The following RDH14 variants were observed in gnomAD, a reference collection of about 807,000 sequenced individuals.
The protein encoded by RDH14 is retinol dehydrogenase 14.
A neutral mutation model predicts 19.3 loss-of-function variants in RDH14; 17 were observed. The observed-to-expected ratio is 0.88, with a 90% confidence interval of 0.60 to 1.32. RDH14 has a LOEUF of 1.32. RDH14 is among the 40% of genes most tolerant of loss of function. The pLI, the probability that RDH14 is intolerant of heterozygous loss-of-function variation, is 0.00. For missense variants in RDH14, 534 were observed against 449.2 expected (o/e 1.19, Z -1.71); for synonymous variants, 215 against 188.9 (o/e 1.14, Z -1.13).
At chr2:18,559,714 G>A (rs1056226125) in intron 1 of RDH14, among the ~76,000 whole-genome samples, 5 of 152,152 alleles carry the variant, frequency 3.3e-5, no homozygotes, top group African/African-American at 1.2e-4. Context: ...CAGCAGAAAA[G>A]GGGCAGAGGC....
rs1323376462 is a variant in RDH14 at position 18,560,371 on chromosome 2, C to T, written c.202G>A (p.Ala68Thr). 4.1e-6 allele frequency: 6 copies of T among 1,464,938 alleles called. No homozygotes were observed. The highest frequency in any genetic ancestry group is 2.7e-5 in the South Asian group (2 of 75,350). 90.7% of individuals were successfully genotyped at this position (1,464,938 alleles called of 1,614,324 possible). The part of the protein sequence containing the change: ...ATAAELLRLG[A>T]RVIMGCRDRA... ...TCCCGGCAGCCCATGATCACCCGCG[C>T]TCCCAGGCGCAGTAGCTCGGCGGCC... The change falls in exon 1 of 2, where the codon GCG (alanine) becomes ACG (threonine). Residue 68 changes from alanine to threonine, a missense_variant. By Grantham distance (58) the Ala-to-Thr change is moderately conservative. Transcript: ENST00000381249.
chr2:18,557,590 C>A (rs73226350), intron 1 of RDH14, among the ~76,000 whole-genome samples: 27 of 152,002 alleles, frequency 1.8e-4, no homozygotes, highest in Non-Finnish European at 3.2e-4. Context: ...TTAAATTCTA[C>A]GAGATAAATG....
chr2:18,554,762 T>C lies in RDH14; in HGVS notation c.*429A>G, dbSNP rs1663861930. The C allele has an allele frequency of 5.7e-6, 1 of 176,440 alleles. No individual in the cohort carries two copies. The highest frequency in any genetic ancestry group is 1.2e-5 in the Non-Finnish European group (1 of 82,278). The allele number at this position is 176,440 out of a possible 1,614,324, so 10.9% of individuals were successfully genotyped here. A position where few individuals can be genotyped will look rare whatever the true frequency, so the allele number is the denominator to read the frequency against. On this transcript the variant is annotated 3_prime_UTR_variant, in exon 2 of 2. Transcript: ENST00000381249. ...CAGTAAATTTATTCCAAGTAAGACT[T>C]GTGTGCACACACCAGGCAGATAATT...
chr2:18,555,416 C>G lies in RDH14; in HGVS notation c.786G>C (p.Leu262=). The part of the protein sequence containing the change: ...TNLGRHIHIP[L]LVKPLFNLVS... ...CCAAATTGAAGAGTGGTTTGACCAA[C>G]AGTGGAATGTGTATGTGCCTCCCCA... The change falls in exon 2 of 2, where the codon CTG becomes CTC. Residue 262 remains leucine (L), a synonymous_variant. Coordinates refer to ENST00000381249, the MANE Select transcript of RDH14 (RefSeq NM_020905.4). The G allele has an allele frequency of 1.9e-6, 3 of 1,614,102 alleles. No homozygotes were observed. Among genetic ancestry groups the G allele is most frequent in the Non-Finnish European group, 2.5e-6 (3 of 1,180,000 alleles).
At chr2:18,558,543 C>CT (rs1470478997) in intron 1 of RDH14, among the ~76,000 whole-genome samples, 1 of 152,186 alleles carries the variant, frequency 6.6e-6, no homozygotes, top group Non-Finnish European at 1.5e-5. Context: ...CCACATGGGC[C>CT]TCAAGATCTT....
intron 1 of RDH14, among the ~76,000 whole-genome samples, chr2:18,557,960 T>C (rs1172810937): frequency 6.6e-6 from 1 of 152,246 alleles, no homozygotes; most frequent in Non-Finnish European, 1.5e-5. Context: ...GCCTACAGCA[T>C]TGCAGCAAAC....
Position 18,555,496 on chromosome 2 carries a change from C to G in RDH14, c.706G>C (p.Glu236Gln), listed in dbSNP as rs1473267837. The G allele has an allele frequency of 6.2e-7, 1 of 1,614,060 alleles. No individual in the cohort carries two copies. The highest frequency in any genetic ancestry group is 2.2e-5 in the East Asian group (1 of 44,902). The change falls in exon 2 of 2, where the codon GAA becomes CAA. Residue 236 changes from glutamate (E) to glutamine (Q), a missense_variant. By Grantham distance (29) the Glu-to-Gln change is conservative. Coordinates refer to ENST00000381249, the MANE Select transcript of RDH14 (RefSeq NM_020905.4). ...ACATTGACGGTGACATTTGTGCCTT[C>G]TAAGCGGCGGGCTAGTTCCCTGGTA... is the stretch of plus-strand genomic sequence containing the variant. ...LFTRELARRL[E>Q]GTNVTVNVLH...
intron 1 of RDH14, among the ~76,000 whole-genome samples, chr2:18,557,394 T>A (rs1045507566): frequency 6.6e-6 from 1 of 152,224 alleles, no homozygotes; most frequent in Non-Finnish European, 1.5e-5. Flanking sequence ...CATTCTGCCC[T>A]GTCTAAGCAT....
At position 18,554,729 on chromosome 2, in the gene RDH14, A is replaced by T. The variant is rs180786126; in HGVS notation, c.*462T>A. On this transcript the variant is annotated 3_prime_UTR_variant, in exon 2 of 2. Transcript: ENST00000381249. ...CCTCCAAAGAAATGCACAGTTAAGAATTTGTACCAGTAAATTTATTCCAAG... is the reference window on the plus strand; with the variant it reads ...CCTCCAAAGAAATGCACAGTTAAGATTTTGTACCAGTAAATTTATTCCAAG... 2.1e-3 allele frequency: 346 copies of T among 168,160 alleles called. 2 individuals are homozygous for T. The highest frequency in any genetic ancestry group is 3.7e-3 in the Non-Finnish European group (282 of 77,022). The allele number at this position is 168,160 out of a possible 1,614,324, so 10.4% of individuals were successfully genotyped here. A position where few individuals can be genotyped will look rare whatever the true frequency, so the allele number is the denominator to read the frequency against.
At chr2:18,557,591 G>A (rs1029706822) in intron 1 of RDH14, among the ~76,000 whole-genome samples, 19 of 151,820 alleles carry the variant, frequency 1.3e-4, no homozygotes, top group Non-Finnish European at 2.9e-5. Context: ...TAAATTCTAC[G>A]AGATAAATGA....
At position 18,554,930 on chromosome 2, in the gene RDH14, T is replaced by C. The variant is rs759942257; in HGVS notation, c.*261A>G. The C allele has an allele frequency of 8.2e-5, 29 of 352,798 alleles. No homozygotes were observed. Among genetic ancestry groups the C allele is most frequent in the Non-Finnish European group, 1.3e-4 (25 of 199,728 alleles). The allele number at this position is 352,798 out of a possible 1,614,324, so 21.9% of individuals were successfully genotyped here. A position where few individuals can be genotyped will look rare whatever the true frequency, so the allele number is the denominator to read the frequency against. On this transcript the variant is annotated 3_prime_UTR_variant, in exon 2 of 2. Transcript: ENST00000381249. The stretch of plus-strand genomic sequence containing the variant: ...TATGTCATCCATGCTTGCCCAGTTA[T>C]AATTTTACAATATAATTGTATTTTT...
At chr2:18,556,541 C>T (rs1034329943) in intron 1 of RDH14, among the ~76,000 whole-genome samples, 4 of 152,282 alleles carry the variant, frequency 2.6e-5, no homozygotes, top group Middle Eastern at 3.4e-3. Context: ...TTTCGCATGT[C>T]ACCACATCTA....
In RDH14 at chr2:18,560,315, C is replaced by T. The variant is rs902177627; in HGVS notation, c.258G>A (p.Gln86=). 2.6e-5 allele frequency: 37 copies of T among 1,435,342 alleles called. No individual in the cohort carries two copies. Among genetic ancestry groups the T allele is most frequent in the Non-Finnish European group, 3.3e-5 (36 of 1,107,098 alleles). 88.9% of individuals were successfully genotyped at this position (1,435,342 alleles called of 1,614,324 possible). A position where few individuals can be genotyped will look rare whatever the true frequency, so the allele number is the denominator to read the frequency against. The change falls in exon 1 of 2, where the codon CAG becomes CAA. Residue 86 remains glutamine, a synonymous_variant. Transcript: ENST00000381249. ...CGGCCTGGCGGAGCTCGCGGCGGAG[C>T]TGACCCGCCGCCTCCTCGGCGCGCG... ...DRARAEEAAG[Q]LRRELRQAAE...
rs1427578491 is a variant in RDH14, at chr2:18,555,183, C to A, written c.*8G>T. The A allele has an allele frequency of 6.2e-7, 1 of 1,611,704 alleles. No homozygotes were observed. Among genetic ancestry groups the A allele is most frequent in the Admixed American group, 1.7e-5 (1 of 59,876 alleles). On this transcript the variant is annotated 3_prime_UTR_variant, in exon 2 of 2. Coordinates refer to ENST00000381249, the MANE Select transcript of RDH14 (RefSeq NM_020905.4). Reference sequence around the variant, plus strand: ...CAGTTTTATAAACAGCTCTTTTACTCCTTGTTCCTATTTTAGCAGGCCAAC... The same window carrying A: ...CAGTTTTATAAACAGCTCTTTTACTACTTGTTCCTATTTTAGCAGGCCAAC...
chr2:18,555,523 A>AAAG lies in RDH14; in HGVS notation c.676_678dup (p.Leu226dup). The AAAG allele has an allele frequency of 6.2e-7, 1 of 1,614,192 alleles. No individual in the cohort carries two copies. The highest frequency in any genetic ancestry group is 8.5e-7 in the Non-Finnish European group (1 of 1,180,014). ...AAGCGGCGGGCTAGTTCCCTGGTAAAAAGAATGTTAGCCAGTTTGCTCCGG... is the reference window on the plus strand; with the variant it reads ...AAGCGGCGGGCTAGTTCCCTGGTAAAAAGAAGAATGTTAGCCAGTTTGCTCCGG... On this transcript the variant is annotated inframe_insertion, in exon 2 of 2. Coordinates refer to ENST00000381249, the MANE Select transcript of RDH14 (RefSeq NM_020905.4).
At position 18,555,040 on chromosome 2, in the gene RDH14, G is replaced by C. The variant is rs1223713152; in HGVS notation, c.*151C>G. The C allele has an allele frequency of 1.6e-6, 2 of 1,218,150 alleles. No individual in the cohort carries two copies. The highest frequency in any genetic ancestry group is 2.2e-6 in the Non-Finnish European group (2 of 905,692). The allele number at this position is 1,218,150 out of a possible 1,614,324, so 75.5% of individuals were successfully genotyped here. Reference sequence around the variant, plus strand: ...CTCTTATCCCAAAAATAATTTTTCAGTAACTCCAAAATACCCACATGTACC... The same window carrying C: ...CTCTTATCCCAAAAATAATTTTTCACTAACTCCAAAATACCCACATGTACC... On this transcript the variant is annotated 3_prime_UTR_variant, in exon 2 of 2. Transcript: ENST00000381249.
Position 18,560,269 on chromosome 2 carries a change from C to A in RDH14, c.304G>T (p.Gly102Cys), listed in dbSNP as rs1664062144. 2.0e-6 allele frequency: 3 copies of A among 1,519,132 alleles called. No individual in the cohort carries two copies. In the Admixed American group the frequency reaches 6.0e-5, roughly 30 times the overall value. The allele number at this position is 1,519,132 out of a possible 1,614,324, so 94.1% of individuals were successfully genotyped here. The change falls in exon 1 of 2, where the codon GGC (glycine) becomes TGC (cysteine). Residue 102 changes from glycine to cysteine, a missense_variant. By Grantham distance (159) the Gly-to-Cys change is radical. Transcript: ENST00000381249. ...RQAAECGPEPGVSGVGELIVR... is the reference protein window; with the variant it reads ...RQAAECGPEPCVSGVGELIVR... ...ATGAGCTCGCCCACCCCGCTGACGCCAGGCTCTGGGCCGCACTCCGCGGCC... is the reference window on the plus strand; with the variant it reads ...ATGAGCTCGCCCACCCCGCTGACGCAAGGCTCTGGGCCGCACTCCGCGGCC...
intron 1 of RDH14, 42 bp from the exon 2 acceptor site, chr2:18,555,850 C>A: frequency 6.5e-7 from 1 of 1,547,684 alleles, no homozygotes; most frequent in Non-Finnish European, 8.7e-7. Context: ...ATTAAGAACA[C>A]ACGCCTTGTA....
chr2:18,560,160 C>A lies in RDH14; in HGVS notation c.393+20G>T. On this transcript the variant is annotated intron_variant, in intron 1 of 1. Coordinates refer to ENST00000381249, the MANE Select transcript of RDH14 (RefSeq NM_020905.4). ...CGTGCCCAGGCCCTCCCCACCAGCCCGGCCCCCCGAGGCCCACACCTGGAG... is the reference window on the plus strand; with the variant it reads ...CGTGCCCAGGCCCTCCCCACCAGCCAGGCCCCCCGAGGCCCACACCTGGAG... 1 of 1,521,298 alleles carries A rather than the reference C, an allele frequency of 6.6e-7. No individual in the cohort carries two copies. The highest frequency in any genetic ancestry group is 8.8e-7 in the Non-Finnish European group (1 of 1,140,782). 94.2% of individuals were successfully genotyped at this position (1,521,298 alleles called of 1,614,324 possible).
Sources: allele counts gnomAD v4.1 joint callset (sites outside exome capture counted in the v4.1 genomes callset), GRCh38; gene constraint gnomAD v4.1.1; transcripts MANE v1.5; gene names NCBI Gene and HGNC (gene_info 2026-07-23, HGNC 2026-07-21).